The following GNG2 variants were observed in gnomAD, a reference collection of about 807,000 sequenced individuals.
GNG2 encodes the protein G protein subunit gamma 2.
Under a neutral mutation model 5.5 loss-of-function variants are expected in GNG2, and 5 were observed. The ratio of observed to expected loss-of-function variants is 0.91; its 90% confidence interval spans 0.48 to 1.92. GNG2 has a LOEUF of 1.92. Ranked by LOEUF, GNG2 falls within the 30% of genes most tolerant of loss-of-function variation. The probability of loss-of-function intolerance (pLI) is 0.01; values close to 1 mark genes in which losing one functional copy is unlikely to be tolerated. For synonymous variants in GNG2, 28 were observed against 32.0 expected, an observed-to-expected ratio of 0.88 and a Z score of 0.42; for missense variants, 55 against 88.4, an observed-to-expected ratio of 0.62 and a Z score of 1.52.
intron 2 of GNG2, among the ~76,000 whole-genome samples, chr14:51,916,865 C>A (rs1196456861): frequency 2.0e-5 from 3 of 152,164 alleles, no homozygotes; most frequent in African/African-American, 7.2e-5. Flanking sequence ...TGAGGCCTGG[C>A]AGAAGAGCCA....
chr14:51,946,078 G>A (rs148691541), intron 2 of GNG2, among the ~76,000 whole-genome samples: 341 of 152,280 alleles, frequency 2.2e-3, no homozygotes, highest in Middle Eastern at 0.014. Context: ...GCCAATACTT[G>A]TTCTAGAACA....
chr14:51,882,964 C>T (rs1036263950), intron 2 of GNG2, among the ~76,000 whole-genome samples: 14 of 145,950 alleles, frequency 9.6e-5, no homozygotes, highest in African/African-American at 3.3e-4. Context: ...GAGCAGAGAT[C>T]GTGCCACTGC....
intron 1 of GNG2, among the ~76,000 whole-genome samples, chr14:51,826,446 T>C (rs1881031825): frequency 6.6e-6 from 1 of 152,124 alleles, no homozygotes; most frequent in Non-Finnish European, 1.5e-5. Flanking sequence ...TTTAAGTCAG[T>C]TTCCATCAGG....
At chr14:51,838,973 A>C (rs1347541458) in intron 2 of GNG2, among the ~76,000 whole-genome samples, 1 of 152,222 alleles carries the variant, frequency 6.6e-6, no homozygotes. Flanking sequence ...CCATGGATGA[A>C]TCTCCATTAC....
At chr14:51,951,587 T>C (rs747054280) in intron 3 of GNG2, among the ~76,000 whole-genome samples, 4 of 152,236 alleles carry the variant, frequency 2.6e-5, no homozygotes, top group Non-Finnish European at 4.4e-5. Context: ...TGTACTAAGC[T>C]AAAACTACAA....
At chr14:51,905,191 C>T (rs1885838849) in intron 2 of GNG2, among the ~76,000 whole-genome samples, 1 of 152,172 alleles carries the variant, frequency 6.6e-6, no homozygotes, top group African/African-American at 2.4e-5. Flanking sequence ...TCCCAAATAA[C>T]TATTTACCTT....
chr14:51,861,433 G>T (rs1882473217), intron 1 of GNG2: 1 of 152,166 alleles, frequency 6.6e-6, no homozygotes, highest in African/African-American at 2.4e-5. Context: ...AAAGGAGCGT[G>T]GCGGGTTTAA....
intron 2 of GNG2, among the ~76,000 whole-genome samples, chr14:51,889,528 A>G (rs917359743): frequency 6.6e-6 from 1 of 152,088 alleles, no homozygotes; most frequent in African/African-American, 2.4e-5. Context: ...ATTTTATGGT[A>G]TTTCATTATA....
intron 2 of GNG2, among the ~76,000 whole-genome samples, chr14:51,846,863 G>C (rs1881642218): frequency 6.6e-6 from 1 of 152,210 alleles, no homozygotes; most frequent in Non-Finnish European, 1.5e-5. Context: ...AAGAAAGCTT[G>C]AGATGCAATC....
At chr14:51,846,085 GA>G (rs1881617091) in intron 2 of GNG2, among the ~76,000 whole-genome samples, 1 of 152,142 alleles carries the variant, frequency 6.6e-6, no homozygotes, top group African/African-American at 2.4e-5. Context: ...GTAACTCTGT[GA>G]ATCCTACTAG....
At chr14:51,839,679 T>C (rs894130038) in intron 2 of GNG2, among the ~76,000 whole-genome samples, 3 of 152,164 alleles carry the variant, frequency 2.0e-5, no homozygotes, top group African/African-American at 7.2e-5. Flanking sequence ...CTGTTCTATA[T>C]CTTGATCGTG....
At chr14:51,862,817 A>T (rs1882607447) in intron 1 of GNG2, among the ~76,000 whole-genome samples, 1 of 152,260 alleles carries the variant, frequency 6.6e-6, no homozygotes, top group Admixed American at 6.5e-5. Context: ...GCAGATCAGT[A>T]ACTATGATGG....
At chr14:51,897,347 T>C (rs1397008721) in intron 2 of GNG2, among the ~76,000 whole-genome samples, 1 of 152,190 alleles carries the variant, frequency 6.6e-6, no homozygotes, top group East Asian at 1.9e-4. Context: ...GACTTTGTAA[T>C]GTCAGGCAGC....
rs143096379 is a variant in GNG2, at chr14:51,849,875, T to C, written c.64+22068T>C. On this transcript the variant is annotated intron_variant, in intron 2 of 3. Transcript: ENST00000553432. ...ATGATGGAGTGCAGTGTCATGATTGTTGCAGCTCATTGCAGCCTCTATCTT... is the reference window on the plus strand; with the variant it reads ...ATGATGGAGTGCAGTGTCATGATTGCTGCAGCTCATTGCAGCCTCTATCTT... 2.6e-5 allele frequency among the ~76,000 whole-genome samples: 4 copies of C among 151,456 alleles called. No individual in the cohort carries two copies. The East Asian group carries it at 5.8e-4, about 22-fold the overall frequency.
At chr14:51,856,405 A>C (rs2140094286), upstream of GNG2, among the ~76,000 whole-genome samples, 1 of 152,150 alleles carries the variant, frequency 6.6e-6, no homozygotes, top group Middle Eastern at 3.4e-3. Flanking sequence ...ACAAATAAAG[A>C]ATAGCTTTCT....
At chr14:51,905,824 A>G (rs1885879237) in intron 2 of GNG2, among the ~76,000 whole-genome samples, 1 of 152,218 alleles carries the variant, frequency 6.6e-6, no homozygotes, top group Non-Finnish European at 1.5e-5. Context: ...TGATGGTTTT[A>G]TAAGGGGCTT....
chr14:51,949,599 T>A (rs1888855230), intron 2 of GNG2, among the ~76,000 whole-genome samples: 2 of 152,236 alleles, frequency 1.3e-5, no homozygotes, highest in South Asian at 4.1e-4. Context: ...TTAATGTTTC[T>A]GTTTCATGGG....
chr14:51,945,784 GTGTA>G (rs545156431), intron 2 of GNG2, among the ~76,000 whole-genome samples: 1,465 of 116,274 alleles, frequency 0.013, 30 homozygotes, highest in African/African-American at 0.047. Context: ...GTATGTGTAT[GTGTA>G]TGTGTGTGTG....
At chr14:51,847,780 A>T (rs565388679) in intron 2 of GNG2, among the ~76,000 whole-genome samples, 1 of 151,712 alleles carries the variant, frequency 6.6e-6, no homozygotes, top group South Asian at 2.1e-4. Context: ...ACTTCCAACT[A>T]AAATTGAGAA....
Sources: gnomAD v4.1 joint callset for allele counts (sites outside exome capture counted in the v4.1 genomes callset) on GRCh38, gnomAD v4.1.1 for gene constraint, MANE v1.5 for transcripts, NCBI Gene and HGNC (gene_info 2026-07-23, HGNC 2026-07-21) for gene names.